ZNF717: variants seen among roughly 807,000 people sequenced by gnomAD.
The protein encoded by ZNF717 is krueppel-like factor X17.
In ZNF717, 9 loss-of-function variants were observed where a neutral mutation model predicts 13.8. That is an observed-to-expected ratio of 0.65 (90% CI 0.39 to 1.14). ZNF717 has a LOEUF of 1.14. Ranked by LOEUF, ZNF717 falls within the 50% of genes most tolerant of loss-of-function variation. The pLI, the probability that ZNF717 is intolerant of heterozygous loss-of-function variation, is 0.01. For synonymous variants in ZNF717, 327 were observed against 364.1 expected (o/e 0.90, Z 1.16); for missense variants, 1,040 against 1,080.7 (o/e 0.96, Z 0.53).
At chr3:75,722,953 A>G (rs2106870356) in intron 4 of ZNF717, among the ~76,000 whole-genome samples, 1 of 152,260 alleles carries the variant, frequency 6.6e-6, no homozygotes, top group Middle Eastern at 3.4e-3. Flanking sequence ...TAAAACCTAT[A>G]GGTCTATTTT....
At chr3:75,772,169 G>A (rs749690237) in intron 2 of ZNF717, among the ~76,000 whole-genome samples, 3 of 152,134 alleles carry the variant, frequency 2.0e-5, no homozygotes, top group Non-Finnish European at 4.4e-5. Flanking sequence ...GAGCTGAACA[G>A]ACATTGGGAT....
intron 5 of ZNF717, among the ~76,000 whole-genome samples, chr3:75,711,733 C>CA (rs906695448): frequency 2.5e-4 from 38 of 152,186 alleles, no homozygotes; most frequent in Non-Finnish European, 5.0e-4. Flanking sequence ...GCTTGGGCAA[C>CA]AGAGTGAGAC....
chr3:75,768,766 TGGCTG>T (rs1298311603), intron 2 of ZNF717, among the ~76,000 whole-genome samples: 4 of 147,806 alleles, frequency 2.7e-5, no homozygotes, highest in Admixed American at 6.7e-5. Context: ...GTCCTCACTG[TGGCTG>T]AGTGTGTGGG....
Position 75,738,496 on chromosome 3 carries a change from A to G in ZNF717, c.1127T>C (p.Phe376Ser), listed in dbSNP as rs1939828538. ...TAAAGTGAGAAGTGACTTACAGTGA[A>G]AAGTTTTTCCACATTCAATACATTT... ...PYKCIECGKTFHCKSLLTLHH... is the reference protein window; with the variant it reads ...PYKCIECGKTSHCKSLLTLHH... Residue 376 changes from phenylalanine (F) to serine (S), a missense_variant, in exon 5 of 5, where the codon TTT becomes TCT. Phe to Ser is a radical substitution (Grantham distance 155). Around this residue, in one of 3 missense-constraint regions of ZNF717, gnomAD observed 873 missense variants for 832.8 expected, o/e 1.05. Transcript: ENST00000652011. 16 of 1,531,208 alleles carry G rather than the reference A, an allele frequency of 1.0e-5. No homozygotes were observed. The highest frequency in any genetic ancestry group is 1.4e-5 in the Non-Finnish European group (16 of 1,132,402). The allele number at this position is 1,531,208 out of a possible 1,614,324, so 94.9% of individuals were successfully genotyped here. A position where few individuals can be genotyped will look rare whatever the true frequency, so the allele number is the denominator to read the frequency against.
intron 1 of ZNF717, among the ~76,000 whole-genome samples, 179 bp from the exon 2 acceptor site, chr3:75,783,543 G>C (rs1944962020): frequency 6.6e-6 from 1 of 152,214 alleles, no homozygotes; most frequent in African/African-American, 2.4e-5. Flanking sequence ...AAAGACTCAA[G>C]ATAAGATACA....
chr3:75,730,780 C>CT (rs1272372336), intron 5 of ZNF717, among the ~76,000 whole-genome samples: 3 of 152,228 alleles, frequency 2.0e-5, no homozygotes, highest in Admixed American at 2.0e-4. Context: ...CAAGAAGGAA[C>CT]TTTCTGAGTT....
intron 2 of ZNF717, among the ~76,000 whole-genome samples, chr3:75,748,978 C>T (rs1336078749): frequency 6.6e-5 from 10 of 152,156 alleles, no homozygotes; most frequent in Non-Finnish European, 1.3e-4. Flanking sequence ...GTTTGTCCCT[C>T]ACATAGGATT....
In ZNF717 at chr3:75,783,376, G is replaced by A; in HGVS notation, c.-2-12C>T. Reference sequence around the variant, plus strand: ...CACTGGAAACATAGCTGAGAGAGAAGGCAAATGACGTGAATTAAGGAGAGA... The same window carrying A: ...CACTGGAAACATAGCTGAGAGAGAAAGCAAATGACGTGAATTAAGGAGAGA... On this transcript the variant is annotated splice_polypyrimidine_tract_variant and intron_variant, in intron 1 of 4. Coordinates refer to ENST00000652011, the MANE Select transcript of ZNF717 (RefSeq NM_001290208.3). 6.5e-7 allele frequency: 1 copy of A among 1,549,864 alleles called. No homozygotes were observed.
At chr3:75,732,620 C>T (rs1575736414), downstream of ZNF717, among the ~76,000 whole-genome samples, 1 of 152,330 alleles carries the variant, frequency 6.6e-6, no homozygotes, top group East Asian at 1.9e-4. Flanking sequence ...AGGAATGGGT[C>T]TCATCAAACA....
downstream of ZNF717, among the ~76,000 whole-genome samples, chr3:75,707,384 T>C (rs1291661925): frequency 2.0e-5 from 3 of 152,252 alleles, no homozygotes; most frequent in Non-Finnish European, 4.4e-5. Context: ...AGAAATGCAG[T>C]TGTCTCCATA....
chr3:75,734,425 TTTTTTTG>T (rs1287324791), downstream of ZNF717, among the ~76,000 whole-genome samples: 125 of 5,016 alleles, frequency 0.025, no homozygotes, highest in African/African-American at 0.067. Flanking sequence ...TAAAATGGGT[TTTTTTTG>T]TTTTTTTGTT....
intron 2 of ZNF717, 139 bp from the exon 3 acceptor site, chr3:75,741,875 C>T: frequency 8.7e-7 from 1 of 1,145,052 alleles, no homozygotes; most frequent in Non-Finnish European, 1.2e-6. Context: ...CCTGTAATGG[C>T]ACATTTTTCC....
rs10442977 is a variant in ZNF717 at position 75,738,265 on chromosome 3, C to T, written c.1358G>A (p.Cys453Tyr). 1.1e-5 allele frequency: 17 copies of T among 1,542,060 alleles called. No individual in the cohort carries two copies. In the African/African-American group the frequency reaches 2.2e-4, roughly 20 times the overall value. Residue 453 changes from cysteine (C) to tyrosine (Y), a missense_variant, in exon 5 of 5, where the codon TGT becomes TAT. Around this residue, in one of 3 missense-constraint regions of ZNF717, gnomAD observed 873 missense variants for 832.8 expected, o/e 1.05. Transcript: ENST00000652011. ...GATAAAGGGTTTTCCACACTCATTA[C>T]ATTCATACGGTTTTTCCCCTGTGTG... ...RTHTGEKPYE[C>Y]NECGKPFINK...
At chr3:75,707,936 A>G (rs138378651), downstream of ZNF717, among the ~76,000 whole-genome samples, 1 of 118,048 alleles carries the variant, frequency 8.5e-6, no homozygotes, top group Non-Finnish European at 1.9e-5. Flanking sequence ...TTGATTAGGT[A>G]AACAAAGCAG....
intron 6 of ZNF717, among the ~76,000 whole-genome samples, chr3:75,704,086 C>A (rs1937751248): frequency 6.6e-6 from 1 of 152,312 alleles, no homozygotes; most frequent in Non-Finnish European, 1.5e-5. Flanking sequence ...ATAGCCTTGA[C>A]TTTAGTGAGT....
chr3:75,732,096 T>C (rs973867334), downstream of ZNF717: 18 of 702,918 alleles, frequency 2.6e-5, no homozygotes, highest in African/African-American at 5.2e-5. Flanking sequence ...GGCAAATACC[T>C]GAGAAAACTT....
Position 75,738,685 on chromosome 3 carries a change from C to T in ZNF717, c.938G>A (p.Cys313Tyr). 5 of 1,551,880 alleles carry T rather than the reference C, an allele frequency of 3.2e-6. No homozygotes were observed. Among genetic ancestry groups the T allele is most frequent in the Non-Finnish European group, 4.4e-6 (5 of 1,147,146 alleles). ...KMPTEEKPYA[C>Y]NWCEKLFSYK... Reference sequence around the variant, plus strand: ...GCTGAACAATTTTTCACACCAGTTACAGGCATAAGGTTTTTCCTCAGTAGG... The same window carrying T: ...GCTGAACAATTTTTCACACCAGTTATAGGCATAAGGTTTTTCCTCAGTAGG... The change falls in exon 5 of 5, where the codon TGT (cysteine) becomes TAT (tyrosine). Residue 313 changes from cysteine to tyrosine, a missense_variant. Coordinates refer to ENST00000652011, the MANE Select transcript of ZNF717 (RefSeq NM_001290208.3).
chr3:75,719,262 G>A (rs147570795), intron 4 of ZNF717, among the ~76,000 whole-genome samples: 61,834 of 149,808 alleles, frequency 0.41, 13,186 homozygotes, highest in South Asian at 0.61. Flanking sequence ...ACCAGCCTGG[G>A]TGATAGAGTG....
intron 6 of ZNF717, among the ~76,000 whole-genome samples, chr3:75,699,258 C>T (rs79054298): frequency 1.6e-5 from 2 of 125,198 alleles, no homozygotes; most frequent in Non-Finnish European, 3.6e-5. Flanking sequence ...TCAGTTAAGG[C>T]TGAAATGAGT....
Sources: allele counts gnomAD v4.1 joint callset (sites outside exome capture counted in the v4.1 genomes callset), GRCh38; gene constraint gnomAD v4.1.1; regional missense constraint gnomAD v4.1.1; transcripts MANE v1.5; gene names NCBI Gene and HGNC (gene_info 2026-07-23, HGNC 2026-07-21).